Variants in TTC28 observed in about 807,000 individuals in gnomAD.
TTC28 encodes the protein tetratricopeptide repeat protein 28.
A neutral mutation model predicts 198.0 loss-of-function variants in TTC28; 61 were observed. The observed-to-expected ratio is 0.31, with a 90% CI of 0.25 to 0.38. The LOEUF (loss-of-function observed/expected upper bound fraction) is 0.38. Among genes scored for constraint, TTC28 ranks in the 10% least tolerant of loss-of-function variants. TTC28 has a pLI of 1.00. For synonymous variants in TTC28, 1,171 were observed against 1,297.8 expected, an observed-to-expected ratio of 0.90 and a Z score of 2.10; for missense variants, 2,678 against 3,164.0, an observed-to-expected ratio of 0.85 and a Z score of 3.69.
At chr22:28,220,668 A>T (rs1467640613) in intron 5 of TTC28, among the ~76,000 whole-genome samples, 1 of 152,218 alleles carries the variant, frequency 6.6e-6, no homozygotes, top group Non-Finnish European at 1.5e-5. Context: ...ACAATCTTAC[A>T]TAATCATATA....
intron 5 of TTC28, among the ~76,000 whole-genome samples, chr22:28,261,951 G>A (rs984021696): frequency 6.6e-6 from 1 of 152,110 alleles, no homozygotes; most frequent in South Asian, 2.1e-4. Flanking sequence ...AATATTCTAA[G>A]ACTCTGTATC....
chr22:28,604,236 T>C (rs1014253317), intron 2 of TTC28, among the ~76,000 whole-genome samples: 3 of 147,310 alleles, frequency 2.0e-5, no homozygotes, highest in Non-Finnish European at 3.0e-5. Flanking sequence ...AGAGATGGTA[T>C]CACTGCACTC....
At chr22:28,672,153 A>G (rs2051897779) in intron 1 of TTC28, among the ~76,000 whole-genome samples, 2 of 151,832 alleles carry the variant, frequency 1.3e-5, no homozygotes, top group Non-Finnish European at 2.9e-5. Context: ...CAGCCTCCCA[A>G]GTAGATGGGA....
intron 10 of TTC28, 62 bp downstream of exon 10, chr22:28,098,853 T>C (rs991728517): frequency 6.6e-7 from 1 of 1,516,684 alleles, no homozygotes; most frequent in Non-Finnish European, 8.9e-7. Context: ...CTTGGACACA[T>C]GGACGCGCAC....
intron 2 of TTC28, among the ~76,000 whole-genome samples, chr22:28,511,436 G>A (rs999043437): frequency 1.3e-5 from 2 of 152,180 alleles, no homozygotes; most frequent in African/African-American, 4.8e-5. Flanking sequence ...AAATGGTGCT[G>A]GGAGAAATGG....
At chr22:28,341,758 C>T (rs2045833400) in intron 2 of TTC28, among the ~76,000 whole-genome samples, 1 of 151,842 alleles carries the variant, frequency 6.6e-6, no homozygotes, top group African/African-American at 2.4e-5. Context: ...CCACTGCACT[C>T]CAGCCTGGGT....
intron 2 of TTC28, among the ~76,000 whole-genome samples, chr22:28,429,092 CT>C (rs2047396532): frequency 6.6e-6 from 1 of 152,170 alleles, no homozygotes; most frequent in Non-Finnish European, 1.5e-5. Context: ...TAGCCAGCAC[CT>C]GGCACATAGT....
In TTC28 at chr22:27,982,594, T is replaced by C; in HGVS notation, c.7073A>G (p.His2358Arg). 6.4e-7 allele frequency: 1 copy of C among 1,551,762 alleles called. No individual in the cohort carries two copies. The highest frequency in any genetic ancestry group is 1.2e-5 in the South Asian group (1 of 84,054). Residue 2358 changes from histidine (H) to arginine (R), a missense_variant, in exon 23 of 23, where the codon CAT (histidine) becomes CGT (arginine). By Grantham distance (29) the His-to-Arg change is conservative (BLOSUM62 0). This residue lies in a region of TTC28 where 622 missense variants were observed against 656.0 expected (regional missense o/e 0.95). Coordinates refer to ENST00000397906, the MANE Select transcript of TTC28 (RefSeq NM_001145418.2). This position sits in a 1 kb window ranked among gnomAD's most constrained non-coding sequence, Gnocchi z 5.2. ...AAIDEKVQAV[H>R]NLKMFWQSTP... is the part of the protein sequence containing the mutation. ...GCTCTGCCAGAACATCTTCAGGTTA[T>C]GGACAGCCTGCACCTTTTCATCAAT...
chr22:28,621,596 A>G (rs1404248511), intron 2 of TTC28, among the ~76,000 whole-genome samples: 1 of 151,490 alleles, frequency 6.6e-6, no homozygotes, highest in Non-Finnish European at 1.5e-5. Flanking sequence ...TAAAAAAAAT[A>G]GCTAGGTATG....
At chr22:28,604,859 C>T (rs974890585) in intron 2 of TTC28, among the ~76,000 whole-genome samples, 1 of 152,206 alleles carries the variant, frequency 6.6e-6, no homozygotes, top group African/African-American at 2.4e-5. Context: ...ATATCACCCA[C>T]AAAGCGCCTA....
chr22:28,395,688 T>C (rs2080246182), intron 2 of TTC28, among the ~76,000 whole-genome samples: 1 of 150,650 alleles, frequency 6.6e-6, no homozygotes, highest in Non-Finnish European at 1.5e-5. Flanking sequence ...TGTGTATTTA[T>C]ATAAACTTTG....
intron 2 of TTC28, among the ~76,000 whole-genome samples, chr22:28,387,553 G>A (rs1472291843): frequency 6.6e-6 from 1 of 152,112 alleles, no homozygotes; most frequent in East Asian, 1.9e-4. Flanking sequence ...GTGTGAGATG[G>A]TATCTCATTG....
At chr22:28,598,714 TTCCTC>T (rs1196113554) in intron 2 of TTC28, among the ~76,000 whole-genome samples, 1 of 152,120 alleles carries the variant, frequency 6.6e-6, no homozygotes, top group Non-Finnish European at 1.5e-5. Flanking sequence ...TTAGTAAAAT[TTCCTC>T]TATCCATTTG....
chr22:28,538,989 AG>A (rs2049355039), intron 2 of TTC28, among the ~76,000 whole-genome samples: 2 of 152,208 alleles, frequency 1.3e-5, no homozygotes, highest in African/African-American at 4.8e-5. Context: ...TAACTGAGGT[AG>A]ATTCACCCCA....
intron 1 of TTC28, among the ~76,000 whole-genome samples, chr22:28,646,794 G>A (rs956837023): frequency 6.6e-6 from 1 of 152,200 alleles, no homozygotes; most frequent in Admixed American, 6.5e-5. Context: ...GAAACAGGAG[G>A]TGGAGGCTGC....
chr22:28,073,848 G>A (rs1941075905), intron 12 of TTC28, among the ~76,000 whole-genome samples: 1 of 152,090 alleles, frequency 6.6e-6, no homozygotes, highest in Non-Finnish European at 1.5e-5. Flanking sequence ...TAAGCTTAAC[G>A]GGCAGTATAA....
chr22:28,287,218 C>T (rs1330086466), intron 5 of TTC28, among the ~76,000 whole-genome samples: 1 of 152,100 alleles, frequency 6.6e-6, no homozygotes, highest in African/African-American at 2.4e-5. Context: ...TTATATCTTA[C>T]TTATGACAAA....
intron 1 of TTC28, among the ~76,000 whole-genome samples, chr22:28,632,253 C>CTTTTTTTTTTTTT: frequency 2.0e-5 from 1 of 49,698 alleles, no homozygotes; most frequent in Non-Finnish European, 3.5e-5. Context: ...TTATATTCAA[C>CTTTTTTTTTTTTT]TTTTTTTTTT....
intron 2 of TTC28, among the ~76,000 whole-genome samples, chr22:28,507,511 C>T (rs2048629702): frequency 1.3e-5 from 2 of 152,100 alleles, no homozygotes. Flanking sequence ...GAGAACTTCC[C>T]CAACCTAGCA....
Sources: gnomAD v4.1 joint callset for allele counts (sites outside exome capture counted in the v4.1 genomes callset) on GRCh38, gnomAD v4.1.1 for gene constraint, gnomAD v4.1.1 regional missense constraint, Gnocchi (gnomAD v3.1) non-coding constraint, MANE v1.5 for transcripts, NCBI Gene and HGNC (gene_info 2026-07-23, HGNC 2026-07-21) for gene names.